PTH1R: variants seen among roughly 807,000 people sequenced by gnomAD.
PTH1R encodes parathyroid hormone/parathyroid hormone-related peptide receptor.
Under a neutral mutation model 70.7 loss-of-function variants are expected in PTH1R, and 32 were observed. The ratio of observed to expected loss-of-function variants is 0.45; its 90% CI spans 0.34 to 0.61. The LOEUF is 0.61. PTH1R is among the 20% of genes least tolerant of loss of function. PTH1R has a pLI of 0.01. For missense variants in PTH1R, 626 were observed against 792.5 expected (o/e 0.79, Z 2.52); for synonymous variants, 329 against 324.8 (o/e 1.01, Z -0.14).
rs939822108 is a variant in PTH1R at position 46,884,052 on chromosome 3, G to A, written c.75+418G>A. ...GCAGTCCCGGACACAGGGAATGTAGGTCTGAGGTCAGAATCATCCAGGCAG... is the reference window on the plus strand; with the variant it reads ...GCAGTCCCGGACACAGGGAATGTAGATCTGAGGTCAGAATCATCCAGGCAG... On this transcript the variant is annotated intron_variant, in intron 3 of 15. Transcript: ENST00000449590. The surrounding 1 kb of genome is among the most constrained non-coding windows in gnomAD (Gnocchi z 4.8). Among the ~76,000 whole-genome samples, 2 of 152,176 alleles carry A rather than the reference G, an allele frequency of 1.3e-5. No individual in the cohort carries two copies. The highest frequency in any genetic ancestry group is 2.9e-5 in the Non-Finnish European group (2 of 68,038).
chr3:46,878,313 C>T (rs949713913), intron 1 of PTH1R, among the ~76,000 whole-genome samples: 2 of 152,236 alleles, frequency 1.3e-5, no homozygotes, highest in Non-Finnish European at 2.9e-5. Flanking sequence ...ATCCCCTCCC[C>T]TACTGGGCTC....
rs540373269 is a variant in PTH1R at position 46,901,828 on chromosome 3, C to T, written c.1179C>T (p.Asn393=). The T allele has an allele frequency of 2.0e-5, 33 of 1,613,898 alleles. No individual in the cohort carries two copies. The highest frequency in any genetic ancestry group is 1.3e-4 in the East Asian group (6 of 44,898). ...TCGCCACCAAGCTGCGGGAGACCAA[C>T]GCCGGCCGGTGTGACACACGGCAGC... The part of the protein sequence containing the change: ...RVLATKLRET[N]AGRCDTRQQY... The change falls in exon 13 of 16, where the codon AAC becomes AAT. Residue 393 remains asparagine (N), a synonymous_variant. Coordinates refer to ENST00000449590, the MANE Select transcript of PTH1R (RefSeq NM_000316.3). This position sits in a 1 kb window ranked among gnomAD's most constrained non-coding sequence, Gnocchi z 7.3.
At chr3:46,897,747 A>G in intron 5 of PTH1R, 108 bp from the exon 6 acceptor site, 2 of 1,094,440 alleles carry the variant, frequency 1.8e-6, no homozygotes, top group Non-Finnish European at 2.7e-6. Context: ...AACAAAACAA[A>G]ACAAAAACAA....
rs868039278 is a variant in PTH1R at position 46,892,765 on chromosome 3, G to T, written c.76-1142G>T. The T allele has an allele frequency of 2.0e-6, 2 of 985,756 alleles. No homozygotes were observed. Among genetic ancestry groups the T allele is most frequent in the East Asian group, 2.3e-4 (2 of 8,816 alleles). 61.1% of individuals were successfully genotyped at this position (985,756 alleles called of 1,614,324 possible). On this transcript the variant is annotated intron_variant, in intron 3 of 15. Coordinates refer to ENST00000449590, the MANE Select transcript of PTH1R (RefSeq NM_000316.3). The surrounding 1 kb of genome is among the most constrained non-coding windows in gnomAD (Gnocchi z 5.2). The stretch of plus-strand genomic sequence containing the variant: ...CAGGGCCCCGGCCCCGCCTTGGCGC[G>T]TCTGAAGGATGCAGCTCTGCCGCGG...
chr3:46,895,047 G>C (rs373455623), intron 4 of PTH1R, among the ~76,000 whole-genome samples: 1 of 140,250 alleles, frequency 7.1e-6, no homozygotes, highest in Non-Finnish European at 1.5e-5. Flanking sequence ...CTGGGCGATA[G>C]AGGGAGACCT....
chr3:46,895,344 C>A (rs1290329371), intron 4 of PTH1R, among the ~76,000 whole-genome samples: 1 of 152,188 alleles, frequency 6.6e-6, no homozygotes, highest in South Asian at 2.1e-4. Flanking sequence ...ATTGACATCA[C>A]CCACTCTGTC....
chr3:46,903,773 GAA>G lies in PTH1R; in HGVS notation c.*126_*127del. 1 of 1,354,818 alleles carries G rather than the reference GAA, an allele frequency of 7.4e-7. No individual in the cohort carries two copies. Among genetic ancestry groups the G allele is most frequent in the Non-Finnish European group, 9.9e-7 (1 of 1,007,062 alleles). The allele number at this position is 1,354,818 out of a possible 1,614,324, so 83.9% of individuals were successfully genotyped here. A position where few individuals can be genotyped will look rare whatever the true frequency, so the allele number is the denominator to read the frequency against. ...CCAAGAGGAAAAACAGGGAAAAAAA[GAA>G]AAAAAAAAGAAAAAGGAAAAGGAAG... On this transcript the variant is annotated 3_prime_UTR_variant, in exon 16 of 16. Transcript: ENST00000449590. This position sits in a 1 kb window ranked among gnomAD's most constrained non-coding sequence, Gnocchi z 4.4.
intron 3 of PTH1R, among the ~76,000 whole-genome samples, chr3:46,885,075 C>T (rs1204974692): frequency 6.6e-6 from 1 of 152,126 alleles, no homozygotes; most frequent in Non-Finnish European, 1.5e-5. Context: ...ACCACCAACC[C>T]CACCCCCGGA....
In PTH1R at chr3:46,891,150, G is replaced by T. The variant is rs1446490051; in HGVS notation, c.76-2757G>T. 6.6e-6 allele frequency among the ~76,000 whole-genome samples: 1 copy of T among 152,276 alleles called. No homozygotes were observed. Among genetic ancestry groups the T allele is most frequent in the Non-Finnish European group, 1.5e-5 (1 of 68,048 alleles). On this transcript the variant is annotated intron_variant, in intron 3 of 15. Transcript: ENST00000449590. This position sits in a 1 kb window ranked among gnomAD's most constrained non-coding sequence, Gnocchi z 4.3. ...AAAGTTCAGGGAGGCCAGAGGTGGGGCCACCACCCCTATGGATGAATGAAG... is the reference window on the plus strand; with the variant it reads ...AAAGTTCAGGGAGGCCAGAGGTGGGTCCACCACCCCTATGGATGAATGAAG...
chr3:46,898,039 C>T (rs200265700), intron 6 of PTH1R, 35 bp from the exon 7 acceptor site: 1 of 1,612,894 alleles, frequency 6.2e-7, no homozygotes, highest in East Asian at 2.2e-5. Context: ...GCCTCGAGAC[C>T]TCCCTGCCGG....
rs531969500 is a variant in PTH1R at position 46,899,908 on chromosome 3, G to C, written c.988+452G>C. 2.0e-5 allele frequency among the ~76,000 whole-genome samples: 3 copies of C among 152,336 alleles called. No homozygotes were observed. The East Asian group carries it at 5.8e-4, about 29-fold the overall frequency. On this transcript the variant is annotated intron_variant, in intron 10 of 15. Transcript: ENST00000449590. ...CCATTGCCAGCCTCAGCAGGCCTGC[G>C]GGGTCCATGGCCCAGAGCCGTGGGC... is the stretch of plus-strand genomic sequence containing the variant.
chr3:46,878,073 G>A (rs2030337920), intron 1 of PTH1R, among the ~76,000 whole-genome samples: 1 of 152,228 alleles, frequency 6.6e-6, no homozygotes, highest in Non-Finnish European at 1.5e-5. Flanking sequence ...AGCCTTAGGA[G>A]TGCTCCCTGG....
At chr3:46,880,295 G>A (rs897775638) in intron 1 of PTH1R, 1 of 152,320 alleles carries the variant, frequency 6.6e-6, no homozygotes, top group South Asian at 2.1e-4. Context: ...AAAGGCAGGA[G>A]AGTGGATGTG....
At position 46,883,609 on chromosome 3, in the gene PTH1R, C is replaced by T. The variant is rs1169828626; in HGVS notation, c.50C>T (p.Pro17Leu). 16 of 1,544,066 alleles carry T rather than the reference C, an allele frequency of 1.0e-5. No homozygotes were observed. Among genetic ancestry groups the T allele is most frequent in the Non-Finnish European group, 1.2e-5 (14 of 1,146,766 alleles). ...APGLALLLCC[P>L]VLSSAYALVD... ...GGCCTGGCGCTCCTGCTCTGCTGCCCCGTGCTCAGCTCCGCGTACGCGCTG... is the reference window on the plus strand; with the variant it reads ...GGCCTGGCGCTCCTGCTCTGCTGCCTCGTGCTCAGCTCCGCGTACGCGCTG... The change falls in exon 3 of 16, where the codon CCC (proline) becomes CTC (leucine). Residue 17 changes from proline (P) to leucine (L), a missense_variant. Pro to Leu is a moderately conservative substitution (Grantham distance 98). Coordinates refer to ENST00000449590, the MANE Select transcript of PTH1R (RefSeq NM_000316.3). The surrounding 1 kb of genome is among the most constrained non-coding windows in gnomAD (Gnocchi z 6.4).
In PTH1R at chr3:46,902,583, C is replaced by T. The variant is rs755463570; in HGVS notation, c.1269C>T (p.Val423=). The change falls in exon 14 of 16, where the codon GTC becomes GTT. Residue 423 remains valine (V), a synonymous_variant. Coordinates refer to ENST00000449590, the MANE Select transcript of PTH1R (RefSeq NM_000316.3). The surrounding 1 kb of genome is among the most constrained non-coding windows in gnomAD (Gnocchi z 5.4). ...LMPLFGVHYI[V]FMATPYTEVS... Reference sequence around the variant, plus strand: ...CCCTCTTTGGCGTCCACTACATTGTCTTCATGGCCACACCATACACCGAGG... The same window carrying T: ...CCCTCTTTGGCGTCCACTACATTGTTTTCATGGCCACACCATACACCGAGG... The T allele has an allele frequency of 2.4e-5, 38 of 1,613,788 alleles. No homozygotes were observed. The highest frequency in any genetic ancestry group is 3.2e-5 in the Non-Finnish European group (38 of 1,180,014).
In PTH1R at chr3:46,901,125, C is replaced by A; in HGVS notation, c.1049+40C>A. The A allele has an allele frequency of 6.4e-7, 1 of 1,553,628 alleles. No homozygotes were observed. The highest frequency in any genetic ancestry group is 2.4e-5 in the East Asian group (1 of 41,962). ...AGAAGGGGCCCAGGCAAGAAGCACC[C>A]CTGGGTCCCTTTTCTTCCAGGAAGC... On this transcript the variant is annotated intron_variant, in intron 11 of 15. Coordinates refer to ENST00000449590, the MANE Select transcript of PTH1R (RefSeq NM_000316.3). The surrounding 1 kb of genome is among the most constrained non-coding windows in gnomAD (Gnocchi z 7.3).
chr3:46,898,333 C>T (rs1575521419), intron 7 of PTH1R, 45 bp from the exon 8 acceptor site: 3 of 1,599,912 alleles, frequency 1.9e-6, no homozygotes, highest in Non-Finnish European at 2.6e-6. Flanking sequence ...TGATGCTCTC[C>T]CTGGGTCCCA....
At position 46,883,678 on chromosome 3, in the gene PTH1R, AC is replaced by A; in HGVS notation, c.75+47del. 6.5e-7 allele frequency: 1 copy of A among 1,543,408 alleles called. No individual in the cohort carries two copies. ...ACACTCCGGGACAGGCTGCGGGCTT[AC>A]CCTAGGGTCCGCGGGATAGGTCTAA... On this transcript the variant is annotated intron_variant, in intron 3 of 15. Transcript: ENST00000449590. This position sits in a 1 kb window ranked among gnomAD's most constrained non-coding sequence, Gnocchi z 6.4.
intron 1 of PTH1R, among the ~76,000 whole-genome samples, chr3:46,878,994 T>G (rs528979199): frequency 1.3e-5 from 2 of 152,186 alleles, no homozygotes; most frequent in Admixed American, 1.3e-4. Flanking sequence ...TGGGGCGTGC[T>G]TGTCAAAAAG....
Sources: gnomAD v4.1 joint callset for allele counts (sites outside exome capture counted in the v4.1 genomes callset) on GRCh38, gnomAD v4.1.1 for gene constraint, Gnocchi (gnomAD v3.1) non-coding constraint, MANE v1.5 for transcripts, NCBI Gene and HGNC (gene_info 2026-07-23, HGNC 2026-07-21) for gene names.